ANKFN1: variants seen among roughly 807,000 people sequenced by gnomAD.
ANKFN1 encodes the protein ankyrin repeat and fibronectin type III domain containing 1, also known as ankyrin repeat and fibronectin type-III domain-containing protein 1.
A neutral mutation model predicts 108.7 loss-of-function variants in ANKFN1; 74 were observed. The ratio of observed to expected loss-of-function variants is 0.68; its 90% CI spans 0.56 to 0.83. The LOEUF (loss-of-function observed/expected upper bound fraction) is 0.83. Among genes scored for constraint, ANKFN1 ranks in the 40% least tolerant of loss-of-function variants. ANKFN1 has a pLI of 0.00. For missense variants in ANKFN1, 1,505 were observed against 1,382.3 expected (o/e 1.09, Z -1.41); for synonymous variants, 547 against 516.2 (o/e 1.06, Z -0.81).
intron 4 of ANKFN1, among the ~76,000 whole-genome samples, chr17:56,121,486 G>A (rs1906617430): frequency 6.6e-6 from 1 of 151,856 alleles, no homozygotes; most frequent in Non-Finnish European, 1.5e-5. Context: ...CATTATCTTT[G>A]GCTGTTTTGC....
At chr17:56,407,176 A>G (rs2047947378) in intron 8 of ANKFN1, among the ~76,000 whole-genome samples, 1 of 152,238 alleles carries the variant, frequency 6.6e-6, no homozygotes, top group South Asian at 2.1e-4. Context: ...TTACCAGAGT[A>G]AACAAAATCT....
chr17:56,307,474 A>G (rs1022355560), intron 3 of ANKFN1, among the ~76,000 whole-genome samples: 3 of 152,258 alleles, frequency 2.0e-5, no homozygotes, highest in Admixed American at 6.5e-5. Context: ...GACACATGAG[A>G]AAATGCTCAT....
At position 56,087,553 on chromosome 17, in the gene ANKFN1, C is replaced by T. The variant is rs757448879; in HGVS notation, c.288+41228C>T. Among the ~76,000 whole-genome samples, 157 of 151,418 alleles carry T rather than the reference C, an allele frequency of 1.0e-3. 8 individuals carry two copies. The Middle Eastern group carries it at 0.021, about 20-fold the overall frequency. ...ACTCCCCTGCACTTGATGGTGACAT[C>T]TGTTTCCATTCTAGCCTCCAGAAAA... On this transcript the variant is annotated intron_variant, in intron 4 of 12. Coordinates refer to the ANKFN1 transcript ENST00000635860.
At chr17:56,330,558 G>A (rs8071126) in intron 4 of ANKFN1, among the ~76,000 whole-genome samples, 4,343 of 152,200 alleles carry the variant, frequency 0.029, 202 homozygotes, top group African/African-American at 0.1. Context: ...TTGCATAACT[G>A]ACTTCCTTTC....
chr17:56,429,584 T>C (rs1053127394), intron 8 of ANKFN1, among the ~76,000 whole-genome samples: 4 of 152,228 alleles, frequency 2.6e-5, no homozygotes, highest in Admixed American at 2.6e-4. Flanking sequence ...CAGGCTGGAT[T>C]TGGCCTACAG....
chr17:56,284,908 A>T (rs1211754409), intron 3 of ANKFN1, among the ~76,000 whole-genome samples: 1 of 152,070 alleles, frequency 6.6e-6, no homozygotes, highest in African/African-American at 2.4e-5. Flanking sequence ...ATTCTCCCCA[A>T]CTCCCCAGAG....
chr17:56,466,488 A>T lies in ANKFN1; in HGVS notation c.1690A>T (p.Ile564Phe). Reference protein sequence around the residue: ...YSFFNGKWMQISKLQSQRKSL... With the variant: ...YSFFNGKWMQFSKLQSQRKSL... ...ATTTTTTAATGGCAAATGGATGCAG[A>T]TCTCAAAGCTGCAAAGCCAGAGAAA... Residue 564 changes from isoleucine (I) to phenylalanine (F), a missense_variant, in exon 15 of 21, where the codon ATC becomes TTC. Coordinates refer to ENST00000682825, the MANE Select transcript of ANKFN1 (RefSeq NM_001370326.1). 2 of 1,614,160 alleles carry T rather than the reference A, an allele frequency of 1.2e-6. No homozygotes were observed. The highest frequency in any genetic ancestry group is 1.7e-6 in the Non-Finnish European group (2 of 1,180,022).
intron 18 of ANKFN1, among the ~76,000 whole-genome samples, chr17:56,487,313 G>C (rs1481027777): frequency 2.6e-5 from 4 of 152,076 alleles, no homozygotes; most frequent in Admixed American, 2.0e-4. Context: ...TATTTACAAA[G>C]TTCCCAGGAA....
intron 11 of ANKFN1, among the ~76,000 whole-genome samples, chr17:56,450,520 TC>T (rs1227532673): frequency 6.6e-6 from 1 of 152,202 alleles, no homozygotes. Flanking sequence ...AAGTGGGATT[TC>T]CATTCCCAGA....
intron 3 of ANKFN1, among the ~76,000 whole-genome samples, chr17:56,291,087 T>C (rs1388871040): frequency 6.6e-6 from 1 of 152,192 alleles, no homozygotes; most frequent in Non-Finnish European, 1.5e-5. Context: ...TCTGGATCAG[T>C]CAGCCCCTTC....
chr17:56,114,498 A>G (rs1228022982), intron 4 of ANKFN1, among the ~76,000 whole-genome samples: 2 of 152,204 alleles, frequency 1.3e-5, no homozygotes, highest in Non-Finnish European at 1.5e-5. Flanking sequence ...CAGATTGGCA[A>G]ATATTTTAGA....
At chr17:56,112,755 C>T (rs1430847233) in intron 4 of ANKFN1, among the ~76,000 whole-genome samples, 3 of 152,014 alleles carry the variant, frequency 2.0e-5, no homozygotes, top group Non-Finnish European at 2.9e-5. Context: ...TAGATACACC[C>T]TAATTTCTTT....
chr17:56,516,575 A>T lies in ANKFN1; in HGVS notation c.*5306A>T, dbSNP rs1466933421. On this transcript the variant is annotated 3_prime_UTR_variant, in exon 21 of 21. Coordinates refer to ENST00000682825, the MANE Select transcript of ANKFN1 (RefSeq NM_001370326.1). ...TGTGACTTCCACTCTTGAAACAATA[A>T]TTTTTTTGTATGTACATTTGAAAAC... Among the ~76,000 whole-genome samples the T allele has an allele frequency of 6.6e-6, 1 of 152,186 alleles. No homozygotes were observed. The highest frequency in any genetic ancestry group is 1.9e-4 in the East Asian group (1 of 5,200).
Position 56,378,438 on chromosome 17 carries a change from C to T in ANKFN1, c.910+3724C>T, listed in dbSNP as rs1481793476. ...GCTCTGTGATTTATATTCTTCTTAC[C>T]CTTTCTGTTTTTTCCTCCTACACCT... On this transcript the variant is annotated intron_variant, in intron 8 of 20. Coordinates refer to ENST00000682825, the MANE Select transcript of ANKFN1 (RefSeq NM_001370326.1). Among the ~76,000 whole-genome samples the T allele has an allele frequency of 2.6e-5, 4 of 152,034 alleles. No individual in the cohort carries two copies. In the East Asian group the frequency reaches 7.7e-4, roughly 29 times the overall value.
intron 1 of ANKFN1, among the ~76,000 whole-genome samples, chr17:56,159,031 GC>G (rs1909373239): frequency 7.0e-5 from 2 of 28,658 alleles, no homozygotes; most frequent in Non-Finnish European, 1.4e-4. Context: ...AATGGTCTAG[GC>G]CAAAAAAAAA....
intron 8 of ANKFN1, among the ~76,000 whole-genome samples, chr17:56,403,510 A>T (rs2047825068): frequency 6.6e-6 from 1 of 152,160 alleles, no homozygotes; most frequent in South Asian, 2.1e-4. Context: ...TTTACATGAA[A>T]TGCCTTTTTC....
chr17:56,069,589 C>T (rs908855304), intron 4 of ANKFN1, among the ~76,000 whole-genome samples: 3 of 152,046 alleles, frequency 2.0e-5, no homozygotes, highest in African/African-American at 7.2e-5. Context: ...TGTTTGTTTC[C>T]TGGGGCTGCC....
intron 3 of ANKFN1, among the ~76,000 whole-genome samples, chr17:56,250,060 C>T (rs535160322): frequency 1.3e-5 from 2 of 152,202 alleles, no homozygotes; most frequent in South Asian, 2.1e-4. Context: ...GATACACCCA[C>T]CCCCAGCATA....
At chr17:56,134,992 ATCAT>A in intron 4 of ANKFN1, among the ~76,000 whole-genome samples, 2 of 152,264 alleles carry the variant, frequency 1.3e-5, no homozygotes, top group Middle Eastern at 3.4e-3. Flanking sequence ...TCTTCCTGGT[ATCAT>A]TCATGCGGTG....
Sources: allele counts gnomAD v4.1 joint callset (sites outside exome capture counted in the v4.1 genomes callset), GRCh38; gene constraint gnomAD v4.1.1; transcripts MANE v1.5; gene names NCBI Gene and HGNC (gene_info 2026-07-23, HGNC 2026-07-21).